Variants in TMEM65 observed in about 807,000 individuals in gnomAD.
TMEM65 encodes transmembrane protein 65.
Under a neutral mutation model 25.4 loss-of-function variants are expected in TMEM65, and 22 were observed. The observed-to-expected ratio is 0.86, with a 90% confidence interval of 0.62 to 1.23. The LOEUF (loss-of-function observed/expected upper bound fraction) is 1.23, where lower values mean the gene tolerates loss of function less well. Among genes scored for constraint, TMEM65 ranks in the 50% most tolerant of loss-of-function variants. The pLI is 0.00. For missense variants in TMEM65, 262 were observed against 308.2 expected (o/e 0.85, Z 1.12); for synonymous variants, 132 against 126.2 (o/e 1.05, Z -0.31).
intron 6 of TMEM65, among the ~76,000 whole-genome samples, chr8:124,315,092 T>C (rs892995680): frequency 6.6e-6 from 1 of 152,186 alleles, no homozygotes; most frequent in Non-Finnish European, 1.5e-5. Context: ...CAAATATTTA[T>C]TGAGAAGCTA....
chr8:124,344,280 A>C (rs943160022), intron 1 of TMEM65, among the ~76,000 whole-genome samples: 10 of 152,240 alleles, frequency 6.6e-5, no homozygotes, highest in Non-Finnish European at 1.2e-4. Flanking sequence ...CTTAATTTGC[A>C]CTATAAAATA....
rs377203333 is a variant in TMEM65, at chr8:124,340,353, A to AT, written c.305-9562dup. On this transcript the variant is annotated intron_variant, in intron 1 of 6. Coordinates refer to ENST00000297632, the MANE Select transcript of TMEM65 (RefSeq NM_194291.3). ...TTATGATATTGCCAAATTAAAGTGT[A>AT]TAAGAATGCTATCTATTTGACTTAA... Among the ~76,000 whole-genome samples the AT allele has an allele frequency of 2.8e-3, 426 of 152,272 alleles. 1 individual carries two copies. Among genetic ancestry groups the AT allele is most frequent in the Non-Finnish European group, 4.2e-3 (289 of 68,006 alleles).
chr8:124,363,523 T>C (rs1426618668), intron 1 of TMEM65, among the ~76,000 whole-genome samples: 1 of 152,152 alleles, frequency 6.6e-6, no homozygotes, highest in African/African-American at 2.4e-5. Context: ...ATTAATCCCC[T>C]ACAACTGAAT....
chr8:124,332,944 T>C (rs1814453184), intron 1 of TMEM65, among the ~76,000 whole-genome samples: 1 of 152,032 alleles, frequency 6.6e-6, no homozygotes, highest in Non-Finnish European at 1.5e-5. Context: ...TAGCTGGGAC[T>C]ACAGGTGTGT....
At chr8:124,331,269 C>T (rs1050424354) in intron 1 of TMEM65, among the ~76,000 whole-genome samples, 1 of 148,166 alleles carries the variant, frequency 6.7e-6, no homozygotes, top group African/African-American at 2.5e-5. Flanking sequence ...ATTTTTAAAG[C>T]AATGTATGAA....
chr8:124,349,947 G>A (rs1586468936), intron 1 of TMEM65, among the ~76,000 whole-genome samples: 1 of 151,706 alleles, frequency 6.6e-6, no homozygotes, highest in Non-Finnish European at 1.5e-5. Flanking sequence ...AGTATTTGAG[G>A]GCTAATTAAA....
At chr8:124,323,730 T>G (rs1043142777) in intron 3 of TMEM65, among the ~76,000 whole-genome samples, 3 of 152,044 alleles carry the variant, frequency 2.0e-5, no homozygotes, top group African/African-American at 7.2e-5. Context: ...TGATTTTAAA[T>G]TCTGAACTAT....
chr8:124,342,894 T>C (rs1814598134), intron 1 of TMEM65, among the ~76,000 whole-genome samples: 1 of 152,154 alleles, frequency 6.6e-6, no homozygotes, highest in South Asian at 2.1e-4. Flanking sequence ...ATGAATTTCA[T>C]TCAATTACCA....
intron 1 of TMEM65, among the ~76,000 whole-genome samples, chr8:124,355,883 T>C (rs900483415): frequency 6.6e-6 from 1 of 151,882 alleles, no homozygotes; most frequent in African/African-American, 2.4e-5. Context: ...GAGTGGGAGA[T>C]TTTGAGGCAG....
At chr8:124,317,859 G>A (rs192291632) in intron 6 of TMEM65, among the ~76,000 whole-genome samples, 220 of 152,278 alleles carry the variant, frequency 1.4e-3, no homozygotes, top group African/African-American at 5.1e-3. Flanking sequence ...GGTCTACTGA[G>A]AGGGCCACAT....
intron 6 of TMEM65, among the ~76,000 whole-genome samples, chr8:124,314,843 ATT>A (rs971082537): frequency 3.6e-5 from 5 of 138,872 alleles, no homozygotes; most frequent in Non-Finnish European, 3.2e-5. Flanking sequence ...TACTTTTATT[ATT>A]TTTTTTTTTT....
chr8:124,366,946 C>A (rs1204897878), intron 1 of TMEM65, among the ~76,000 whole-genome samples: 1 of 152,192 alleles, frequency 6.6e-6, no homozygotes. Flanking sequence ...CATCAGAGAT[C>A]TCTCACTCCT....
chr8:124,347,340 A>G (rs1045489167), intron 1 of TMEM65, among the ~76,000 whole-genome samples: 15 of 152,226 alleles, frequency 9.9e-5, no homozygotes, highest in African/African-American at 3.1e-4. Context: ...TTAGCATTTA[A>G]AAGTAATTAC....
intron 4 of TMEM65, 100 bp from the exon 5 acceptor site, chr8:124,322,247 T>G (rs1476644697): frequency 3.5e-6 from 3 of 856,818 alleles, no homozygotes; most frequent in Non-Finnish European, 5.3e-6. Flanking sequence ...CTCATATTTC[T>G]CAAACAACAG....
At chr8:124,361,389 T>C (rs1814858127) in intron 1 of TMEM65, among the ~76,000 whole-genome samples, 1 of 146,990 alleles carries the variant, frequency 6.8e-6, no homozygotes, top group African/African-American at 2.5e-5. Flanking sequence ...GAGCCGAGAC[T>C]GCGCCATTGC....
chr8:124,311,686 T>C lies in TMEM65; in HGVS notation c.*2274A>G, dbSNP rs1030798386. On this transcript the variant is annotated 3_prime_UTR_variant, in exon 7 of 7. Transcript: ENST00000297632. ...AAACAATGATCATATGAAGTCATTA[T>C]CTTAAAAAGAACCATTCTTCAGAAA... 1 of 152,222 alleles carries C rather than the reference T, an allele frequency of 6.6e-6. No homozygotes were observed. Among genetic ancestry groups the C allele is most frequent in the African/African-American group, 2.4e-5 (1 of 41,458 alleles). 9.4% of individuals were successfully genotyped at this position (152,222 alleles called of 1,614,324 possible).
At chr8:124,330,933 C>G in intron 1 of TMEM65, 141 bp from the exon 2 acceptor site, 1 of 750,010 alleles carries the variant, frequency 1.3e-6, no homozygotes, top group Non-Finnish European at 2.2e-6. Context: ...GGTTAAGGGA[C>G]CACATTTGTC....
chr8:124,354,078 A>G lies in TMEM65; in HGVS notation c.304+17776T>C, dbSNP rs144465130. 2.5e-3 allele frequency among the ~76,000 whole-genome samples: 379 copies of G among 152,278 alleles called. 1 individual carries two copies. Among genetic ancestry groups the G allele is most frequent in the African/African-American group, 7.8e-3 (326 of 41,560 alleles). On this transcript the variant is annotated intron_variant, in intron 1 of 6. Coordinates refer to ENST00000297632, the MANE Select transcript of TMEM65 (RefSeq NM_194291.3). ...TGTCAAAGATGCATAACTGAAATAT[A>G]TTCATGAGGAAAGAGAGAAACCCAA...
rs528292370 is a variant in TMEM65 at position 124,372,685 on chromosome 8, C to T, written c.-528G>A. 31 of 162,170 alleles carry T rather than the reference C, an allele frequency of 1.9e-4. 1 individual carries two copies. The South Asian group carries it at 4.5e-3, about 23-fold the overall frequency. 10.0% of individuals were successfully genotyped at this position (162,170 alleles called of 1,614,324 possible). On this transcript the variant is annotated 5_prime_UTR_variant, in exon 1 of 7. Transcript: ENST00000297632. ...GCAGCCGCCGCCGCCGCCGCTACCC[C>T]TAGCGGCAGCAGAAGTGGGAACGGG...
Sources: allele counts gnomAD v4.1 joint callset (sites outside exome capture counted in the v4.1 genomes callset), GRCh38; gene constraint gnomAD v4.1.1; transcripts MANE v1.5; gene names NCBI Gene and HGNC (gene_info 2026-07-23, HGNC 2026-07-21).